The following NDNF variants were observed in gnomAD, a reference collection of about 807,000 sequenced individuals.
NDNF encodes neuron derived neurotrophic factor.
In NDNF, 16 loss-of-function variants were observed where a neutral mutation model predicts 42.0. The observed-to-expected ratio is 0.38, with a 90% confidence interval of 0.26 to 0.58. NDNF has a LOEUF of 0.58. Among genes scored for constraint, NDNF ranks in the 20% least tolerant of loss-of-function variants. The pLI is 0.67. For missense variants in NDNF, 616 were observed against 666.2 expected, an observed-to-expected ratio of 0.92 and a Z score of 0.83; for synonymous variants, 248 against 251.7, an observed-to-expected ratio of 0.99 and a Z score of 0.14.
intron 1 of NDNF, among the ~76,000 whole-genome samples, chr4:121,063,716 T>A (rs1214607424): frequency 6.6e-6 from 1 of 151,886 alleles, no homozygotes; most frequent in Non-Finnish European, 1.5e-5. Context: ...CCATGGGAGG[T>A]TTACATCAGA....
At chr4:121,060,140 A>G (rs1200293718) in intron 1 of NDNF, among the ~76,000 whole-genome samples, 1 of 152,050 alleles carries the variant, frequency 6.6e-6, no homozygotes, top group Non-Finnish European at 1.5e-5. Flanking sequence ...TATTATATCC[A>G]TACTATTTCA....
intron 1 of NDNF, among the ~76,000 whole-genome samples, chr4:121,063,612 A>G (rs1727451108): frequency 6.6e-6 from 1 of 152,192 alleles, no homozygotes; most frequent in African/African-American, 2.4e-5. Flanking sequence ...ATTTCAGGCT[A>G]TAAGTAGACT....
intron 1 of NDNF, among the ~76,000 whole-genome samples, chr4:121,055,915 G>T (rs1727286823): frequency 6.6e-6 from 1 of 152,136 alleles, no homozygotes; most frequent in Non-Finnish European, 1.5e-5. Flanking sequence ...ACCCAGAGAA[G>T]AAAGAAGTCC....
At position 121,048,619 on chromosome 4, in the gene NDNF, C is replaced by T. The variant is rs556019254; in HGVS notation, c.-1-2781G>A. Among the ~76,000 whole-genome samples, 281 of 152,348 alleles carry T rather than the reference C, an allele frequency of 1.8e-3. 1 individual carries two copies. Among genetic ancestry groups the T allele is most frequent in the African/African-American group, 6.3e-3 (260 of 41,582 alleles). On this transcript the variant is annotated intron_variant, in intron 1 of 3. Transcript: ENST00000379692. ...CTTTGGGAGGCCAAGGCAGGTGGAT[C>T]ACGAGGTCAGGAGTTTGAGACCAGC...
chr4:121,037,788 A>G, intron 3 of NDNF, 131 bp from the exon 4 acceptor site: 1 of 597,844 alleles, frequency 1.7e-6, no homozygotes, highest in East Asian at 2.8e-5. Context: ...AAATATTTAT[A>G]AATGTATTCA....
chr4:121,069,625 A>G (rs1727556410), intron 1 of NDNF, among the ~76,000 whole-genome samples: 2 of 152,228 alleles, frequency 1.3e-5, no homozygotes, highest in African/African-American at 4.8e-5. Context: ...CAAAAATGAA[A>G]GCAATAATGC....
intron 1 of NDNF, among the ~76,000 whole-genome samples, chr4:121,058,457 G>A (rs541919661): frequency 1.4e-4 from 21 of 152,236 alleles, no homozygotes; most frequent in Non-Finnish European, 2.9e-5. Context: ...CTGCCAGAAT[G>A]CTTCCATGCC....
intron 1 of NDNF, among the ~76,000 whole-genome samples, chr4:121,063,845 G>A (rs983136256): frequency 6.6e-6 from 1 of 152,120 alleles, no homozygotes; most frequent in African/African-American, 2.4e-5. Context: ...AGCCCTTTGT[G>A]CCATTTAGAA....
At chr4:121,058,257 T>C (rs1431470652) in intron 1 of NDNF, among the ~76,000 whole-genome samples, 2 of 152,200 alleles carry the variant, frequency 1.3e-5, no homozygotes, top group African/African-American at 4.8e-5. Context: ...TCCTAAGATT[T>C]CTGTATTGTG....
intron 1 of NDNF, among the ~76,000 whole-genome samples, chr4:121,053,289 T>C (rs1381680708): frequency 6.6e-6 from 1 of 152,188 alleles, no homozygotes; most frequent in Non-Finnish European, 1.5e-5. Flanking sequence ...TGCCAAGGAT[T>C]CGAATAAAGT....
chr4:121,041,303 T>A (rs1726993246), intron 2 of NDNF, among the ~76,000 whole-genome samples: 1 of 152,084 alleles, frequency 6.6e-6, no homozygotes, highest in South Asian at 2.1e-4. Context: ...AGTTGCTCAT[T>A]GATTCCATGC....
In NDNF at chr4:121,039,934, G is replaced by A; in HGVS notation, c.309C>T (p.Gly103=). 1 of 1,613,494 alleles carries A rather than the reference G, an allele frequency of 6.2e-7. No individual in the cohort carries two copies. Among genetic ancestry groups the A allele is most frequent in the Non-Finnish European group, 8.5e-7 (1 of 1,179,812 alleles). The part of the protein sequence containing the change: ...QELPEDRSGE[G]SGDLEPLEQQ... ...CAGATCTATCCTGCTGCTTACCTGA[G>A]CCTTCCCCGCTCCTGTCCTCTGGCA... Residue 103 remains glycine (G), a synonymous_variant, in exon 3 of 4, where the codon GGC becomes GGT. Coordinates refer to ENST00000379692, the MANE Select transcript of NDNF (RefSeq NM_024574.4).
intron 1 of NDNF, 118 bp from the exon 2 acceptor site, chr4:121,045,956 G>A: frequency 3.4e-6 from 3 of 894,298 alleles, no homozygotes; most frequent in Non-Finnish European, 4.9e-6. Context: ...GACGCATCAT[G>A]TATTTTGGAT....
intron 1 of NDNF, chr4:121,061,446 G>A (rs1189779410): frequency 6.5e-6 from 1 of 152,892 alleles, no homozygotes; most frequent in African/African-American, 2.4e-5. Flanking sequence ...TCAAAGGGTT[G>A]ACAAATGTCG....
At chr4:121,041,187 C>A (rs1233631275) in intron 2 of NDNF, among the ~76,000 whole-genome samples, 8 of 152,132 alleles carry the variant, frequency 5.3e-5, no homozygotes, top group Admixed American at 5.2e-4. Context: ...TATAGAAATA[C>A]CATATACTCT....
In NDNF at chr4:121,036,247, T is replaced by A; in HGVS notation, c.*17A>T. ...CCCTCCTGGAGTTCTACATAATATATCTCTATAAGAAGGTAACTAACAGAA... is the reference window on the plus strand; with the variant it reads ...CCCTCCTGGAGTTCTACATAATATAACTCTATAAGAAGGTAACTAACAGAA... On this transcript the variant is annotated 3_prime_UTR_variant, in exon 4 of 4. Coordinates refer to ENST00000379692, the MANE Select transcript of NDNF (RefSeq NM_024574.4). The A allele has an allele frequency of 6.4e-7, 1 of 1,560,904 alleles. No individual in the cohort carries two copies. Among genetic ancestry groups the A allele is most frequent in the African/African-American group, 1.4e-5 (1 of 72,812 alleles).
chr4:121,065,492 A>T (rs955476089), intron 1 of NDNF, among the ~76,000 whole-genome samples: 3 of 152,076 alleles, frequency 2.0e-5, no homozygotes, highest in African/African-American at 7.2e-5. Flanking sequence ...TTAAAAGACA[A>T]GCTTTTAAAT....
At chr4:121,067,076 C>T (rs1348647475) in intron 1 of NDNF, among the ~76,000 whole-genome samples, 2 of 152,188 alleles carry the variant, frequency 1.3e-5, no homozygotes, top group East Asian at 1.9e-4. Context: ...AAAGTCTCCA[C>T]GCTGTGGAGG....
At chr4:121,043,461 T>C (rs1201549744) in intron 2 of NDNF, among the ~76,000 whole-genome samples, 3 of 152,192 alleles carry the variant, frequency 2.0e-5, no homozygotes, top group Admixed American at 2.0e-4. Context: ...CTAGTGTATG[T>C]TAACATTTTT....
Sources: gnomAD v4.1 joint callset for allele counts (sites outside exome capture counted in the v4.1 genomes callset) on GRCh38, gnomAD v4.1.1 for gene constraint, MANE v1.5 for transcripts, NCBI Gene and HGNC (gene_info 2026-07-23, HGNC 2026-07-21) for gene names.